The following RGL1 variants were observed in gnomAD, a reference collection of about 807,000 sequenced individuals.
RGL1 encodes the protein ral guanine nucleotide dissociation stimulator like 1.
In RGL1, 24 loss-of-function variants were observed where a neutral mutation model predicts 95.2. The observed-to-expected ratio is 0.25, with a 90% CI of 0.18 to 0.35. RGL1 has a LOEUF of 0.35. Ranked by LOEUF, RGL1 falls within the 10% of genes least tolerant of loss-of-function variation. The probability of loss-of-function intolerance (pLI) is 1.00; values close to 1 mark genes in which losing one functional copy is unlikely to be tolerated. For missense variants in RGL1, 715 were observed against 936.3 expected, an observed-to-expected ratio of 0.76 and a Z score of 3.08; for synonymous variants, 329 against 344.9, an observed-to-expected ratio of 0.95 and a Z score of 0.51.
At chr1:183,880,882 G>A (rs2102638557) in intron 5 of RGL1, 82 bp downstream of exon 5, 2 of 1,323,832 alleles carry the variant, frequency 1.5e-6, no homozygotes, top group East Asian at 4.9e-5. Context: ...TCCCTGTGCT[G>A]GCTAATAGGA....
At chr1:183,903,508 G>A (rs564765321) in intron 12 of RGL1, among the ~76,000 whole-genome samples, 6 of 152,220 alleles carry the variant, frequency 3.9e-5, no homozygotes, top group Admixed American at 2.6e-4. Flanking sequence ...TAGTACTCTC[G>A]TTATTTTTCA....
chr1:183,707,361 G>T (rs1654984624), intron 1 of RGL1, among the ~76,000 whole-genome samples: 1 of 152,224 alleles, frequency 6.6e-6, no homozygotes, highest in African/African-American at 2.4e-5. Context: ...TTCTGGAAAT[G>T]AACCGAGTCT....
chr1:183,827,543 T>G (rs905969043), intron 2 of RGL1, among the ~76,000 whole-genome samples: 4 of 152,350 alleles, frequency 2.6e-5, no homozygotes, highest in African/African-American at 9.6e-5. Flanking sequence ...GCTTCTAAAT[T>G]ACTGTGAGAT....
chr1:183,777,383 G>C (rs1211316642), intron 2 of RGL1, among the ~76,000 whole-genome samples: 1 of 152,168 alleles, frequency 6.6e-6, no homozygotes, highest in Non-Finnish European at 1.5e-5. Flanking sequence ...AATGGCATGT[G>C]TCCATTATCC....
At chr1:183,654,727 G>A (rs1207355381) in intron 1 of RGL1, among the ~76,000 whole-genome samples, 1 of 152,200 alleles carries the variant, frequency 6.6e-6, no homozygotes, top group African/African-American at 2.4e-5. Context: ...CCTATGGAAG[G>A]TTAAGCCTAA....
chr1:183,849,482 A>AATTTTTTTTTTTTTT (rs150367802), intron 3 of RGL1, among the ~76,000 whole-genome samples: 9 of 99,402 alleles, frequency 9.1e-5, no homozygotes, highest in Non-Finnish European at 1.1e-4. Flanking sequence ...TCCAGTTTTT[A>AATTTTTTTTTTTTTT]GTTTTTTTTT....
At chr1:183,692,396 A>C (rs983181942) in intron 1 of RGL1, among the ~76,000 whole-genome samples, 1 of 152,220 alleles carries the variant, frequency 6.6e-6, no homozygotes, top group African/African-American at 2.4e-5. Flanking sequence ...TGGATGAACC[A>C]TATACATCAT....
Position 183,686,953 on chromosome 1 carries a change from T to C in RGL1, c.-33+50452T>C, listed in dbSNP as rs147585922. Among the ~76,000 whole-genome samples the C allele has an allele frequency of 5.4e-4, 82 of 152,344 alleles. No individual in the cohort carries two copies. In the East Asian group the frequency reaches 9.6e-3, roughly 18 times the overall value. On this transcript the variant is annotated intron_variant, in intron 1 of 18. Transcript: ENST00000304685. ...AGCTATTGGCATCATTAGCTATCCA[T>C]TTGCCTAAGCACAAACCTTGGAATA...
rs1425885135 is a variant in RGL1, at chr1:183,926,967, A to G, written c.*675A>G. The G allele has an allele frequency of 1.3e-5, 2 of 152,698 alleles. No homozygotes were observed. Among genetic ancestry groups the G allele is most frequent in the African/African-American group, 4.8e-5 (2 of 41,456 alleles). The allele number at this position is 152,698 out of a possible 1,614,324, so 9.5% of individuals were successfully genotyped here. ...CACTTTCTGCTACCCTAGGGAGGCC[A>G]GGAGGAGCTTCGGAGGACCATCGCC... On this transcript the variant is annotated 3_prime_UTR_variant, in exon 18 of 18. Coordinates refer to ENST00000360851, the MANE Select transcript of RGL1 (RefSeq NM_001297671.3).
intron 4 of RGL1, among the ~76,000 whole-genome samples, chr1:183,880,031 T>C (rs1666733200): frequency 6.6e-6 from 1 of 152,260 alleles, no homozygotes; most frequent in African/African-American, 2.4e-5. Flanking sequence ...CTGTTTCTGC[T>C]ACTTGAAACA....
intron 16 of RGL1, among the ~76,000 whole-genome samples, chr1:183,919,211 A>G (rs1279393859): frequency 6.6e-6 from 1 of 152,212 alleles, no homozygotes; most frequent in African/African-American, 2.4e-5. Flanking sequence ...TTTTCCAAAA[A>G]TTATTGAGTG....
intron 3 of RGL1, among the ~76,000 whole-genome samples, chr1:183,861,048 T>G (rs986835740): frequency 6.6e-6 from 1 of 152,152 alleles, no homozygotes; most frequent in African/African-American, 2.4e-5. Flanking sequence ...GTTACTTAAT[T>G]TAAGCCTTCT....
chr1:183,888,360 C>T (rs1008123629), intron 7 of RGL1, 114 bp from the exon 8 acceptor site: 3 of 676,492 alleles, frequency 4.4e-6, no homozygotes, highest in Non-Finnish European at 7.9e-6. Flanking sequence ...ATACAGCTGC[C>T]TATTTTGTGG....
intron 4 of RGL1, among the ~76,000 whole-genome samples, chr1:183,866,877 G>T (rs151246008): frequency 2.6e-5 from 4 of 152,132 alleles, no homozygotes; most frequent in African/African-American, 9.7e-5. Context: ...CTTGTGGTGC[G>T]GGCTGAAGCA....
At chr1:183,672,193 A>T (rs1652512029) in intron 1 of RGL1, among the ~76,000 whole-genome samples, 1 of 152,166 alleles carries the variant, frequency 6.6e-6, no homozygotes, top group South Asian at 2.1e-4. Flanking sequence ...TCGGCCTCCC[A>T]AAGTGCTGGG....
rs191878090 is a variant in RGL1 at position 183,809,379 on chromosome 1, G to C, written c.138+2894G>C. 7.0e-4 allele frequency among the ~76,000 whole-genome samples: 107 copies of C among 152,202 alleles called. 1 individual carries two copies. The highest frequency in any genetic ancestry group is 2.6e-3 in the African/African-American group (106 of 41,538). On this transcript the variant is annotated intron_variant, in intron 2 of 17. Transcript: ENST00000360851. Reference sequence around the variant, plus strand: ...TGTCTGTTAAATTCTGTGTTCAGTTGATCTTTTAAAGTAAAACTCTGTGTT... The same window carrying C: ...TGTCTGTTAAATTCTGTGTTCAGTTCATCTTTTAAAGTAAAACTCTGTGTT...
At chr1:183,796,179 T>A (rs969767420) in intron 2 of RGL1, among the ~76,000 whole-genome samples, 16 of 150,724 alleles carry the variant, frequency 1.1e-4, no homozygotes, top group Non-Finnish European at 2.4e-4. Context: ...TTTTTTTTTT[T>A]TTTTGAGATG....
intron 1 of RGL1, among the ~76,000 whole-genome samples, chr1:183,681,953 G>GT (rs1653246857): frequency 6.6e-6 from 1 of 152,132 alleles, no homozygotes; most frequent in African/African-American, 2.4e-5. Context: ...GTTTATTTGT[G>GT]TAGAGGTGTT....
At chr1:183,771,707 A>G (rs1026874062) in intron 2 of RGL1, among the ~76,000 whole-genome samples, 14 of 152,266 alleles carry the variant, frequency 9.2e-5, no homozygotes, top group Non-Finnish European at 2.1e-4. Flanking sequence ...AGCGGAGGAC[A>G]TGGTCCCTGG....
Sources: gnomAD v4.1 joint callset for allele counts (sites outside exome capture counted in the v4.1 genomes callset) on GRCh38, gnomAD v4.1.1 for gene constraint, MANE v1.5 for transcripts, NCBI Gene and HGNC (gene_info 2026-07-23, HGNC 2026-07-21) for gene names.